AGBL1: variants seen among roughly 807,000 people sequenced by gnomAD.
AGBL1 encodes the protein AGBL carboxypeptidase 1.
In AGBL1, 130 loss-of-function variants were observed where a neutral mutation model predicts 118.9. The observed-to-expected ratio is 1.09, with a 90% confidence interval of 0.95 to 1.26. The LOEUF (loss-of-function observed/expected upper bound fraction) is 1.26, where lower values mean the gene tolerates loss of function less well. AGBL1 is among the 50% of genes most tolerant of loss of function. The probability of loss-of-function intolerance (pLI) is 0.00; values close to 1 mark genes in which losing one functional copy is unlikely to be tolerated. For missense variants in AGBL1, 1,584 were observed against 1,298.1 expected (o/e 1.22, Z -3.38); for synonymous variants, 555 against 478.9 (o/e 1.16, Z -2.08).
chr15:86,237,358 A>G (rs1180704259), intron 6 of AGBL1, among the ~76,000 whole-genome samples: 1 of 152,210 alleles, frequency 6.6e-6, no homozygotes, highest in Non-Finnish European at 1.5e-5. Context: ...AACGCAGGGC[A>G]GAATTGCTTT....
intron 4 of AGBL1, 121 bp from the exon 5 acceptor site, chr15:86,158,808 AAAAG>A: frequency 1.3e-6 from 1 of 759,784 alleles, no homozygotes. Flanking sequence ...ACCAGGGTGG[AAAAG>A]AAAGGGAGCT....
intron 21 of AGBL1, among the ~76,000 whole-genome samples, chr15:86,658,510 C>T (rs529940570): frequency 6.6e-6 from 1 of 152,234 alleles, no homozygotes; most frequent in South Asian, 2.1e-4. Context: ...CAATAATATC[C>T]TAGGTGCCCA....
rs751046708 is a variant in AGBL1, at chr15:86,674,409, A to C, written c.3131A>C (p.Glu1044Ala). 2 of 1,611,862 alleles carry C rather than the reference A, an allele frequency of 1.2e-6. No homozygotes were observed. Among genetic ancestry groups the C allele is most frequent in the South Asian group, 2.2e-5 (2 of 90,908 alleles). ...AQAATLLSAE[E>A]DALDQHLQRC... ...GCTGCAACTCTGCTGAGTGCTGAGG[A>C]GGACGCTCTGGACCAGCACCTCCAA... The change falls in exon 22 of 23, where the codon GAG becomes GCG. Residue 1044 changes from glutamate to alanine, a missense_variant. Coordinates refer to ENST00000614907, the MANE Select transcript of AGBL1 (RefSeq NM_001386094.1).
intron 22 of AGBL1, among the ~76,000 whole-genome samples, chr15:86,804,681 A>G (rs886478053): frequency 6.6e-6 from 1 of 152,146 alleles, no homozygotes; most frequent in African/African-American, 2.4e-5. Context: ...TTTTTCTTGC[A>G]CAGAAATAGC....
intron 22 of AGBL1, among the ~76,000 whole-genome samples, chr15:86,882,085 T>G (rs1466609682): frequency 6.6e-6 from 1 of 152,182 alleles, no homozygotes; most frequent in Admixed American, 6.5e-5. Flanking sequence ...ACTATGAAAT[T>G]GCCCGTATCC....
intron 19 of AGBL1, among the ~76,000 whole-genome samples, chr15:86,542,356 ATTTTTTT>A (rs71144054): frequency 0.083 from 9,664 of 116,266 alleles, 554 homozygotes; most frequent in African/African-American, 0.18. Flanking sequence ...CACCATTGAG[ATTTTTTT>A]TTTTTTTTTT....
At chr15:86,134,037 T>C (rs1311031655) in intron 1 of AGBL1, among the ~76,000 whole-genome samples, 1 of 152,214 alleles carries the variant, frequency 6.6e-6, no homozygotes, top group Non-Finnish European at 1.5e-5. Context: ...TGAACTCATT[T>C]CAACCTCTCC....
intron 9 of AGBL1, among the ~76,000 whole-genome samples, chr15:86,258,644 C>CT: frequency 6.6e-6 from 1 of 152,314 alleles, no homozygotes; most frequent in South Asian, 2.1e-4. Flanking sequence ...AACTGCTCAA[C>CT]TTTGCTGTTG....
At chr15:86,267,548 A>G (rs923748752) in intron 13 of AGBL1, among the ~76,000 whole-genome samples, 1 of 152,138 alleles carries the variant, frequency 6.6e-6, no homozygotes, top group African/African-American at 2.4e-5. Context: ...TGAGCTTCCC[A>G]GAGAAAGGTG....
intron 21 of AGBL1, among the ~76,000 whole-genome samples, chr15:86,558,324 C>G (rs1324349108): frequency 6.6e-6 from 1 of 152,304 alleles, no homozygotes; most frequent in Middle Eastern, 3.4e-3. Context: ...TATGGCTCCT[C>G]CCTACCTGCA....
chr15:86,837,336 T>C (rs2079183712), intron 22 of AGBL1, among the ~76,000 whole-genome samples: 1 of 152,220 alleles, frequency 6.6e-6, no homozygotes. Context: ...TTATTTTATT[T>C]GTTTATTTGC....
intron 22 of AGBL1, among the ~76,000 whole-genome samples, chr15:86,731,351 A>G (rs1364048381): frequency 6.6e-6 from 1 of 152,152 alleles, no homozygotes; most frequent in Non-Finnish European, 1.5e-5. Flanking sequence ...TGCACATCCA[A>G]CATTCTCAGA....
At chr15:87,027,578 C>T (rs2081744610) in intron 24 of AGBL1, among the ~76,000 whole-genome samples, 1 of 151,690 alleles carries the variant, frequency 6.6e-6, no homozygotes, top group Non-Finnish European at 1.5e-5. Flanking sequence ...AAGATACATG[C>T]ACGTTTATGT....
intron 22 of AGBL1, among the ~76,000 whole-genome samples, chr15:86,768,389 C>A (rs1333479616): frequency 2.0e-5 from 3 of 151,932 alleles, no homozygotes; most frequent in African/African-American, 7.2e-5. Context: ...CAAGCATGAT[C>A]CACCCAGTCT....
intron 22 of AGBL1, among the ~76,000 whole-genome samples, chr15:86,768,503 C>T (rs994111904): frequency 2.0e-5 from 3 of 151,888 alleles, no homozygotes; most frequent in Non-Finnish European, 4.4e-5. Context: ...TTTGCATTTG[C>T]TCTGGTGTAA....
chr15:86,177,988 A>C (rs1450380233), intron 5 of AGBL1, among the ~76,000 whole-genome samples: 1 of 152,196 alleles, frequency 6.6e-6, no homozygotes, highest in Non-Finnish European at 1.5e-5. Context: ...TTCAATCAAA[A>C]GTTGGTTCTT....
intron 5 of AGBL1, among the ~76,000 whole-genome samples, chr15:86,172,541 C>G (rs1597491369): frequency 6.6e-6 from 1 of 152,296 alleles, no homozygotes; most frequent in East Asian, 1.9e-4. Context: ...TATCATTCGA[C>G]TTTCATCCCC....
chr15:86,232,026 G>A (rs1038619433), intron 6 of AGBL1, among the ~76,000 whole-genome samples: 1 of 152,180 alleles, frequency 6.6e-6, no homozygotes, highest in African/African-American at 2.4e-5. Flanking sequence ...CCCTGAGGCC[G>A]AGCCTCAGGC....
intron 22 of AGBL1, among the ~76,000 whole-genome samples, chr15:86,786,245 A>ATCCC (rs1419245201): frequency 2.0e-5 from 3 of 152,032 alleles, no homozygotes; most frequent in Non-Finnish European, 4.4e-5. Flanking sequence ...TCCTAAAGCT[A>ATCCC]TCCCTCCCCC....
Sources: allele counts gnomAD v4.1 joint callset (sites outside exome capture counted in the v4.1 genomes callset), GRCh38; gene constraint gnomAD v4.1.1; transcripts MANE v1.5; gene names NCBI Gene and HGNC (gene_info 2026-07-23, HGNC 2026-07-21).